ANO3: variants seen among roughly 807,000 people sequenced by gnomAD.
The protein encoded by ANO3 is anoctamin 3, also known as anoctamin-3.
In ANO3, 99 loss-of-function variants were observed where a neutral mutation model predicts 144.8. That is an observed-to-expected ratio of 0.68 (90% confidence interval 0.58 to 0.81). The LOEUF (loss-of-function observed/expected upper bound fraction) is 0.81. Among genes scored for constraint, ANO3 ranks in the 30% least tolerant of loss-of-function variants. The probability of loss-of-function intolerance (pLI) is 0.00; values close to 1 mark genes in which losing one functional copy is unlikely to be tolerated. For missense variants in ANO3, 905 were observed against 1,202.2 expected, an observed-to-expected ratio of 0.75 and a Z score of 3.66; for synonymous variants, 414 against 392.6, an observed-to-expected ratio of 1.05 and a Z score of -0.64.
upstream of ANO3, chr11:26,331,591 G>C (rs1435546919): frequency 1.3e-5 from 2 of 152,116 alleles, no homozygotes; most frequent in African/African-American, 4.8e-5. Flanking sequence ...GACTAAGTAG[G>C]TTATAAATGG....
intron 1 of ANO3, among the ~76,000 whole-genome samples, chr11:26,370,455 G>A (rs1856218082): frequency 1.3e-5 from 2 of 152,098 alleles, no homozygotes; most frequent in South Asian, 2.1e-4. Context: ...CAGTAAATTG[G>A]TACCACAGAG....
upstream of ANO3, among the ~76,000 whole-genome samples, chr11:26,307,067 T>C (rs1220044439): frequency 6.6e-6 from 1 of 152,150 alleles, no homozygotes; most frequent in Non-Finnish European, 1.5e-5. Flanking sequence ...TTTTAATAAA[T>C]AGGGTTGGCT....
chr11:26,652,546 A>G (rs1853566398), intron 24 of ANO3, among the ~76,000 whole-genome samples: 1 of 152,144 alleles, frequency 6.6e-6, no homozygotes, highest in Non-Finnish European at 1.5e-5. Context: ...ATCTGAAACC[A>G]TCATTCTAGT....
chr11:26,561,279 G>T, intron 14 of ANO3: 2 of 1,349,786 alleles, frequency 1.5e-6, no homozygotes, highest in Non-Finnish European at 2.0e-6. Flanking sequence ...AAAGATTCAT[G>T]TTCAGGCATC....
At chr11:26,253,230 G>T (rs570567809) in intron 1 of ANO3, among the ~76,000 whole-genome samples, 1 of 152,274 alleles carries the variant, frequency 6.6e-6, no homozygotes, top group East Asian at 1.9e-4. Context: ...AATATGAAAA[G>T]AATGAACTCA....
chr11:26,405,516 C>T (rs1857255520), intron 1 of ANO3, among the ~76,000 whole-genome samples: 1 of 151,640 alleles, frequency 6.6e-6, no homozygotes, highest in Non-Finnish European at 1.5e-5. Context: ...TATTAATAGC[C>T]AATCTGCCAT....
At chr11:26,373,910 A>G (rs1590304470) in intron 1 of ANO3, among the ~76,000 whole-genome samples, 1 of 152,224 alleles carries the variant, frequency 6.6e-6, no homozygotes, top group African/African-American at 2.4e-5. Flanking sequence ...AGATGATTGA[A>G]TATAACAAAT....
chr11:26,660,531 G>T lies in ANO3; in HGVS notation c.*87G>T, dbSNP rs1853847820. 4.0e-6 allele frequency: 5 copies of T among 1,260,590 alleles called. No homozygotes were observed. The highest frequency in any genetic ancestry group is 1.5e-5 in the African/African-American group (1 of 66,222). 78.1% of individuals were successfully genotyped at this position (1,260,590 alleles called of 1,614,324 possible). A position where few individuals can be genotyped will look rare whatever the true frequency, so the allele number is the denominator to read the frequency against. On this transcript the variant is annotated 3_prime_UTR_variant, in exon 27 of 27. Transcript: ENST00000256737. ...ATGCTAGGTGAAATCTAGGAGGAAG[G>T]CATACTTGGCAAACCACATGTATAA...
intron 12 of ANO3, among the ~76,000 whole-genome samples, chr11:26,549,422 T>A (rs546371553): frequency 6.6e-6 from 1 of 151,958 alleles, no homozygotes; most frequent in African/African-American, 2.4e-5. Context: ...GGTGTTATCA[T>A]GGTGGGTGGG....
intron 1 of ANO3, among the ~76,000 whole-genome samples, chr11:26,202,340 A>G (rs531706152): frequency 9.6e-5 from 14 of 146,460 alleles, no homozygotes; most frequent in African/African-American, 3.2e-4. Context: ...TATATATAAT[A>G]TAGATTATTA....
chr11:26,361,781 CTCTT>C (rs2133925611), intron 1 of ANO3, among the ~76,000 whole-genome samples: 1 of 152,272 alleles, frequency 6.6e-6, no homozygotes, highest in Non-Finnish European at 1.5e-5. Context: ...TTGCAACAAA[CTCTT>C]TATTTAAGAT....
intron 4 of ANO3, among the ~76,000 whole-genome samples, chr11:26,505,594 C>T (rs1016832663): frequency 3.3e-5 from 5 of 152,116 alleles, no homozygotes; most frequent in South Asian, 4.2e-4. Context: ...AGGAGAAAAT[C>T]CAGACACATT....
intron 1 of ANO3, among the ~76,000 whole-genome samples, chr11:26,406,832 T>C (rs1037077750): frequency 6.6e-6 from 1 of 150,932 alleles, no homozygotes; most frequent in African/African-American, 2.4e-5. Context: ...TTTGTGATGA[T>C]TGTTTATATC....
intron 1 of ANO3, among the ~76,000 whole-genome samples, chr11:26,293,654 T>C (rs1854019042): frequency 6.7e-6 from 1 of 149,826 alleles, no homozygotes. Flanking sequence ...TATGGAAATA[T>C]ATGGAGACAG....
chr11:26,489,460 C>T (rs924163631), intron 4 of ANO3, among the ~76,000 whole-genome samples: 18 of 152,204 alleles, frequency 1.2e-4, no homozygotes, highest in African/African-American at 1.7e-4. Flanking sequence ...AGCTCCCAAA[C>T]GTAGTCTCTA....
chr11:26,554,387 CA>C (rs1208494907), intron 13 of ANO3, among the ~76,000 whole-genome samples: 1 of 152,058 alleles, frequency 6.6e-6, no homozygotes, highest in Admixed American at 6.6e-5. Context: ...CTTCTATTAA[CA>C]TTCATCTACA....
At chr11:26,312,053 A>G (rs1271004716) in intron 1 of ANO3, among the ~76,000 whole-genome samples, 6 of 151,892 alleles carry the variant, frequency 4.0e-5, no homozygotes, top group Admixed American at 2.6e-4. Context: ...CCGGTGTCCA[A>G]GTATTCTCAC....
intron 4 of ANO3, among the ~76,000 whole-genome samples, chr11:26,495,224 C>A (rs540533027): frequency 1.3e-5 from 2 of 151,562 alleles, no homozygotes; most frequent in South Asian, 4.2e-4. Flanking sequence ...CCCACCTCAG[C>A]CTCCTGAGTA....
At chr11:26,392,620 A>T (rs964976637) in intron 1 of ANO3, among the ~76,000 whole-genome samples, 1 of 152,150 alleles carries the variant, frequency 6.6e-6, no homozygotes, top group African/African-American at 2.4e-5. Flanking sequence ...TGGTACAGTA[A>T]GGTACAAAAG....
Sources: gnomAD v4.1 joint callset for allele counts (sites outside exome capture counted in the v4.1 genomes callset) on GRCh38, gnomAD v4.1.1 for gene constraint, MANE v1.5 for transcripts, NCBI Gene and HGNC (gene_info 2026-07-23, HGNC 2026-07-21) for gene names.